The following CSMD2 variants were observed in gnomAD, a reference collection of about 807,000 sequenced individuals.
The protein encoded by CSMD2 is CUB and Sushi multiple domains 2, also known as CUB and sushi domain-containing protein 2.
CSMD2 carries 130 observed loss-of-function variants against 398.5 expected under a neutral mutation model. The ratio of observed to expected loss-of-function variants is 0.33; its 90% CI spans 0.28 to 0.38. CSMD2 has a LOEUF of 0.38. Among genes scored for constraint, CSMD2 ranks in the 10% least tolerant of loss-of-function variants. The pLI, the probability that CSMD2 is intolerant of heterozygous loss-of-function variation, is 1.00. For missense variants in CSMD2, 3,829 were observed against 4,764.9 expected (o/e 0.80, Z 5.78); for synonymous variants, 1,828 against 1,908.5 (o/e 0.96, Z 1.10).
chr1:33,628,141 G>A (rs1014732967), intron 32 of CSMD2, among the ~76,000 whole-genome samples: 2 of 152,152 alleles, frequency 1.3e-5, no homozygotes, highest in Non-Finnish European at 2.9e-5. Flanking sequence ...AAGGATCTGA[G>A]ATCAATAAAG....
intron 12 of CSMD2, among the ~76,000 whole-genome samples, chr1:33,782,842 C>T (rs886237208): frequency 2.6e-5 from 4 of 152,006 alleles, no homozygotes; most frequent in African/African-American, 4.8e-5. Context: ...ATGTAGAAAA[C>T]GTTATACTTT....
intron 4 of CSMD2, among the ~76,000 whole-genome samples, chr1:33,923,997 G>A (rs1328927057): frequency 6.6e-6 from 1 of 152,122 alleles, no homozygotes; most frequent in African/African-American, 2.4e-5. Flanking sequence ...CTCTCTTCAT[G>A]CCCTACATCC....
At chr1:33,825,908 A>T in intron 6 of CSMD2, 134 bp from the exon 7 acceptor site, 1 of 679,694 alleles carries the variant, frequency 1.5e-6, no homozygotes, top group East Asian at 2.7e-5. Context: ...CTGGGCTGGG[A>T]CATTCCAAGG....
intron 25 of CSMD2, among the ~76,000 whole-genome samples, chr1:33,682,229 C>T (rs982696926): frequency 5.3e-5 from 8 of 152,206 alleles, no homozygotes; most frequent in Non-Finnish European, 1.2e-4. Flanking sequence ...CTCCCTCTGT[C>T]TTCTTCTTAC....
chr1:33,741,322 G>A (rs1647058516), intron 14 of CSMD2, among the ~76,000 whole-genome samples: 1 of 151,950 alleles, frequency 6.6e-6, no homozygotes, highest in South Asian at 2.1e-4. Flanking sequence ...GGATGTAGGA[G>A]GAGATTAAAA....
intron 3 of CSMD2, among the ~76,000 whole-genome samples, chr1:34,018,568 A>G (rs1648455758): frequency 6.6e-6 from 1 of 152,230 alleles, no homozygotes; most frequent in Non-Finnish European, 1.5e-5. Context: ...TACCCACCGA[A>G]GTTCTTCAGC....
At chr1:33,770,973 G>A (rs1263529722) in intron 13 of CSMD2, among the ~76,000 whole-genome samples, 1 of 152,196 alleles carries the variant, frequency 6.6e-6, no homozygotes, top group Non-Finnish European at 1.5e-5. Flanking sequence ...AACTCTTGGA[G>A]GGGTCAAGCA....
At chr1:33,906,250 A>G (rs1055085207) in intron 5 of CSMD2, among the ~76,000 whole-genome samples, 8 of 152,248 alleles carry the variant, frequency 5.3e-5, no homozygotes, top group Non-Finnish European at 1.0e-4. Flanking sequence ...GTGGTTACTT[A>G]GGCAAGGGTT....
At chr1:33,921,210 G>A (rs147037741) in intron 4 of CSMD2, among the ~76,000 whole-genome samples, 280 of 152,282 alleles carry the variant, frequency 1.8e-3, no homozygotes, top group African/African-American at 6.6e-3. Context: ...GGGAGGGAAG[G>A]TAGGCAAGAT....
At position 33,533,004 on chromosome 1, in the gene CSMD2, T is replaced by C; in HGVS notation, c.10171+46A>G. On this transcript the variant is annotated intron_variant, in intron 64 of 70. Coordinates refer to ENST00000373381, the MANE Select transcript of CSMD2 (RefSeq NM_001281956.2). This position sits in a 1 kb window ranked among gnomAD's most constrained non-coding sequence, Gnocchi z 4.2. ...CTTTCAGCTCAAGTTCAGCCAGCAC[T>C]TTCAGCCTCCCGCCCTGGAGAGCTT... 2 of 1,532,668 alleles carry C rather than the reference T, an allele frequency of 1.3e-6. No individual in the cohort carries two copies. Among genetic ancestry groups the C allele is most frequent in the Non-Finnish European group, 1.8e-6 (2 of 1,139,898 alleles). The allele number at this position is 1,532,668 out of a possible 1,614,324, so 94.9% of individuals were successfully genotyped here.
Position 33,586,487 on chromosome 1 carries a change from C to T in CSMD2, c.7051+17G>A, listed in dbSNP as rs374803445. 83 of 1,532,592 alleles carry T rather than the reference C, an allele frequency of 5.4e-5. No homozygotes were observed. Among genetic ancestry groups the T allele is most frequent in the African/African-American group, 1.6e-4 (12 of 73,330 alleles). 94.9% of individuals were successfully genotyped at this position (1,532,592 alleles called of 1,614,324 possible). A position where few individuals can be genotyped will look rare whatever the true frequency, so the allele number is the denominator to read the frequency against. On this transcript the variant is annotated intron_variant, in intron 46 of 70. Coordinates refer to ENST00000373381, the MANE Select transcript of CSMD2 (RefSeq NM_001281956.2). ...GGAACTTCTAGGCCCCATACAGATG[C>T]GGCTCCATGCAATTACCTTCACATA...
At chr1:34,113,391 T>C (rs1284134672) in intron 1 of CSMD2, among the ~76,000 whole-genome samples, 2 of 152,182 alleles carry the variant, frequency 1.3e-5, no homozygotes, top group Non-Finnish European at 2.9e-5. Flanking sequence ...TGTCTAACCT[T>C]GAAATGGCTA....
intron 18 of CSMD2, 39 bp downstream of exon 18, chr1:33,724,477 G>A (rs370704706): frequency 1.3e-6 from 2 of 1,596,316 alleles, no homozygotes; most frequent in African/African-American, 2.7e-5. Flanking sequence ...GGCAGGAGAG[G>A]AGTCTGCTAC....
At chr1:33,706,108 T>C (rs1028117014) in intron 22 of CSMD2, among the ~76,000 whole-genome samples, 1 of 152,210 alleles carries the variant, frequency 6.6e-6, no homozygotes, top group African/African-American at 2.4e-5. Flanking sequence ...TTAGGTGATA[T>C]GTCACAGACT....
At chr1:33,713,025 C>T (rs1207941529) in intron 21 of CSMD2, among the ~76,000 whole-genome samples, 1 of 152,186 alleles carries the variant, frequency 6.6e-6, no homozygotes, top group Non-Finnish European at 1.5e-5. Context: ...ATGTTATTGG[C>T]AAAATGCTGA....
chr1:33,760,789 A>T (rs1469202148), intron 13 of CSMD2, among the ~76,000 whole-genome samples: 1 of 151,878 alleles, frequency 6.6e-6, no homozygotes, highest in East Asian at 1.9e-4. Flanking sequence ...GGACATCCCC[A>T]CTCTGCTGCT....
intron 5 of CSMD2, among the ~76,000 whole-genome samples, chr1:33,849,605 G>C (rs1194311443): frequency 6.6e-6 from 1 of 152,050 alleles, no homozygotes; most frequent in Non-Finnish European, 1.5e-5. Context: ...GTACACATTG[G>C]GCAAACTCCA....
chr1:34,030,632 G>A (rs577861227), intron 3 of CSMD2, among the ~76,000 whole-genome samples: 2 of 152,212 alleles, frequency 1.3e-5, no homozygotes, highest in East Asian at 1.9e-4. Flanking sequence ...CTGTTTTCAC[G>A]GGACTCTGAA....
chr1:33,641,745 G>A (rs1643120002), intron 29 of CSMD2, among the ~76,000 whole-genome samples: 1 of 152,148 alleles, frequency 6.6e-6, no homozygotes, highest in Non-Finnish European at 1.5e-5. Flanking sequence ...TTAGAACCAG[G>A]TGGGCTTCCA....
Sources: allele counts gnomAD v4.1 joint callset (sites outside exome capture counted in the v4.1 genomes callset), GRCh38; gene constraint gnomAD v4.1.1; non-coding constraint Gnocchi (gnomAD v3.1); transcripts MANE v1.5; gene names NCBI Gene and HGNC (gene_info 2026-07-23, HGNC 2026-07-21).